Variants in CHRM3 observed in about 807,000 individuals in gnomAD.
The protein encoded by CHRM3 is muscarinic acetylcholine receptor M3.
CHRM3 carries 11 observed loss-of-function variants against 41.8 expected under a neutral mutation model. That is an observed-to-expected ratio of 0.26 (90% CI 0.17 to 0.44). The LOEUF (loss-of-function observed/expected upper bound fraction) is 0.44. Among genes scored for constraint, CHRM3 ranks in the 20% least tolerant of loss-of-function variants. The pLI, the probability that CHRM3 is intolerant of heterozygous loss-of-function variation, is 1.00. For missense variants in CHRM3, 571 were observed against 745.4 expected (o/e 0.77, Z 2.72); for synonymous variants, 297 against 301.4 (o/e 0.99, Z 0.15).
At chr1:239,703,072 G>T (rs1167373271) in intron 5 of CHRM3, 6 of 152,054 alleles carry the variant, frequency 3.9e-5, no homozygotes, top group Non-Finnish European at 7.4e-5. Flanking sequence ...CCAACTTTAG[G>T]CTTTATGGCA....
chr1:239,697,151 C>G (rs1189050655), intron 5 of CHRM3, among the ~76,000 whole-genome samples: 1 of 152,092 alleles, frequency 6.6e-6, no homozygotes, highest in East Asian at 1.9e-4. Flanking sequence ...TTGGCTGTGT[C>G]CCCACCCAAA....
At chr1:239,771,603 A>G (rs1020208677) in intron 5 of CHRM3, among the ~76,000 whole-genome samples, 2 of 152,224 alleles carry the variant, frequency 1.3e-5, no homozygotes, top group Admixed American at 1.3e-4. Flanking sequence ...TAGTGTGTAC[A>G]TAATGTAGAC....
chr1:239,437,075 T>A (rs569983452), intron 1 of CHRM3, among the ~76,000 whole-genome samples: 1 of 152,098 alleles, frequency 6.6e-6, no homozygotes, highest in Admixed American at 6.5e-5. Flanking sequence ...GTAATGAAAA[T>A]TTTTAAACTT....
intron 5 of CHRM3, among the ~76,000 whole-genome samples, chr1:239,757,712 A>T (rs1666362299): frequency 6.6e-6 from 1 of 152,086 alleles, no homozygotes; most frequent in Admixed American, 6.5e-5. Context: ...TGGCTATGTG[A>T]AGTAGAAGTT....
chr1:239,866,018 A>G (rs528290152), intron 6 of CHRM3, among the ~76,000 whole-genome samples: 36 of 152,230 alleles, frequency 2.4e-4, no homozygotes, highest in African/African-American at 6.7e-4. Context: ...CAACAGCTGT[A>G]TGATGGGGGC....
chr1:239,416,597 A>C (rs1245218461), intron 1 of CHRM3, among the ~76,000 whole-genome samples: 4 of 152,202 alleles, frequency 2.6e-5, no homozygotes, highest in African/African-American at 9.6e-5. Context: ...TTTTCAGAAA[A>C]TGATTTCAAG....
intron 1 of CHRM3, among the ~76,000 whole-genome samples, chr1:239,433,183 T>A (rs1004116860): frequency 6.6e-6 from 1 of 152,160 alleles, no homozygotes; most frequent in African/African-American, 2.4e-5. Flanking sequence ...CTTATCCTAT[T>A]CTAAGAATAG....
chr1:239,440,937 CTTTG>C (rs138776567), intron 1 of CHRM3, among the ~76,000 whole-genome samples: 3,287 of 152,162 alleles, frequency 0.022, 134 homozygotes, highest in African/African-American at 0.072. Context: ...GACATTTACA[CTTTG>C]TTTGTAAGGC....
At chr1:239,765,596 G>A (rs1010498810) in intron 5 of CHRM3, among the ~76,000 whole-genome samples, 3 of 152,066 alleles carry the variant, frequency 2.0e-5, no homozygotes, top group South Asian at 2.1e-4. Context: ...ATTAAAAATC[G>A]AAACCTACTT....
intron 1 of CHRM3, among the ~76,000 whole-genome samples, chr1:239,421,625 A>G (rs1336751886): frequency 6.6e-6 from 1 of 152,186 alleles, no homozygotes; most frequent in Admixed American, 6.5e-5. Flanking sequence ...TTTGCTCTCT[A>G]AAGATATTAA....
intron 1 of CHRM3, among the ~76,000 whole-genome samples, chr1:239,462,102 A>G (rs1377700575): frequency 6.6e-6 from 1 of 152,166 alleles, no homozygotes; most frequent in Non-Finnish European, 1.5e-5. Context: ...TAAATGTTAC[A>G]TAATTGTAAT....
chr1:239,854,089 A>G (rs935884713), intron 6 of CHRM3, among the ~76,000 whole-genome samples: 7 of 152,096 alleles, frequency 4.6e-5, no homozygotes, highest in South Asian at 4.1e-4. Context: ...GAGTCACAGT[A>G]TAAAATCTTA....
intron 5 of CHRM3, chr1:239,727,775 A>G (rs1663581251): frequency 6.6e-6 from 1 of 151,912 alleles, no homozygotes; most frequent in South Asian, 2.1e-4. Context: ...CTTGGAGTGG[A>G]TGGTTAATCA....
At chr1:239,630,133 T>TAATA (rs1361507766) in intron 3 of CHRM3, among the ~76,000 whole-genome samples, 4 of 152,246 alleles carry the variant, frequency 2.6e-5, no homozygotes, top group Non-Finnish European at 4.4e-5. Context: ...TCTCATTTAT[T>TAATA]GTCTCCCAAT....
At chr1:239,806,595 G>A (rs1670672728) in intron 5 of CHRM3, among the ~76,000 whole-genome samples, 1 of 152,242 alleles carries the variant, frequency 6.6e-6, no homozygotes, top group Non-Finnish European at 1.5e-5. Flanking sequence ...TGCAAGTCAC[G>A]TGGCTGGGAG....
At chr1:239,634,269 A>G (rs1670194522) in intron 4 of CHRM3, among the ~76,000 whole-genome samples, 1 of 152,158 alleles carries the variant, frequency 6.6e-6, no homozygotes. Context: ...CAGACTTTCT[A>G]TTATATTTTG....
intron 3 of CHRM3, among the ~76,000 whole-genome samples, chr1:239,552,536 A>G (rs893461962): frequency 5.5e-5 from 8 of 146,570 alleles, no homozygotes; most frequent in Admixed American, 1.4e-4. Flanking sequence ...CGATAAGCTC[A>G]CTGCAGCCTC....
At chr1:239,805,285 A>T (rs1440747038) in intron 5 of CHRM3, among the ~76,000 whole-genome samples, 1 of 152,168 alleles carries the variant, frequency 6.6e-6, no homozygotes, top group African/African-American at 2.4e-5. Flanking sequence ...GTTACCTAAG[A>T]GGGATATGTT....
At chr1:239,879,594 G>A (rs1166309558) in intron 6 of CHRM3, among the ~76,000 whole-genome samples, 1 of 152,200 alleles carries the variant, frequency 6.6e-6, no homozygotes, top group East Asian at 1.9e-4. Context: ...TGAACTGGCT[G>A]GACCAGACAC....
Sources: gnomAD v4.1 joint callset for allele counts (sites outside exome capture counted in the v4.1 genomes callset) on GRCh38, gnomAD v4.1.1 for gene constraint, MANE v1.5 for transcripts, NCBI Gene and HGNC (gene_info 2026-07-23, HGNC 2026-07-21) for gene names.